The following CHMP4C variants were observed in gnomAD, a reference collection of about 807,000 sequenced individuals.
The protein encoded by CHMP4C is charged multivesicular body protein 4C, also known as SNF7 homolog associated with Alix 3.
A neutral mutation model predicts 29.0 loss-of-function variants in CHMP4C; 28 were observed. That is an observed-to-expected ratio of 0.97 (90% confidence interval 0.72 to 1.32). The LOEUF (loss-of-function observed/expected upper bound fraction) is 1.32, where lower values mean the gene tolerates loss of function less well. Among genes scored for constraint, CHMP4C ranks in the 40% most tolerant of loss-of-function variants. The pLI is 0.00. For missense variants in CHMP4C, 291 were observed against 281.0 expected (o/e 1.04, Z -0.25); for synonymous variants, 106 against 102.4 (o/e 1.04, Z -0.21).
intron 1 of CHMP4C, among the ~76,000 whole-genome samples, chr8:81,748,451 C>T (rs1020141262): frequency 3.3e-5 from 5 of 152,104 alleles, no homozygotes; most frequent in African/African-American, 9.7e-5. Flanking sequence ...TTAGAGATTG[C>T]AGTAAAGACA....
chr8:81,746,648 G>A (rs186864363), intron 1 of CHMP4C, among the ~76,000 whole-genome samples: 328 of 152,312 alleles, frequency 2.2e-3, no homozygotes, highest in Admixed American at 4.8e-3. Context: ...GACTCTGGTT[G>A]GGCCAACATG....
rs1363412633 is a variant in CHMP4C at position 81,732,660 on chromosome 8, G to A, written c.34G>A (p.Gly12Ser). ...SKLGKFFKGG[G>S]SSKSRAAPSP... ...GTTGGGCAAGTTCTTTAAAGGGGGC[G>A]GCTCTTCTAAGAGCCGAGCCGCTCC... The change falls in exon 1 of 5, where the codon GGC (glycine) becomes AGC (serine). Residue 12 changes from glycine to serine, a missense_variant. Coordinates refer to ENST00000297265, the MANE Select transcript of CHMP4C (RefSeq NM_152284.4). 2.6e-6 allele frequency: 4 copies of A among 1,564,134 alleles called. No homozygotes were observed. Among genetic ancestry groups the A allele is most frequent in the African/African-American group, 1.4e-5 (1 of 73,904 alleles).
In CHMP4C at chr8:81,758,145, G is replaced by A. The variant is rs1324290639; in HGVS notation, c.487G>A (p.Glu163Lys). ...VGFGDDFDED[E>K]LMAELEELEQ... ...TCTTCCTTTCTCCTGTGTTCAGGATGAGTTGATGGCAGAACTTGAAGAATT... is the reference window on the plus strand; with the variant it reads ...TCTTCCTTTCTCCTGTGTTCAGGATAAGTTGATGGCAGAACTTGAAGAATT... Residue 163 changes from glutamate (E) to lysine (K), a missense_variant, in exon 4 of 5, where the codon GAG becomes AAG. Coordinates refer to ENST00000297265, the MANE Select transcript of CHMP4C (RefSeq NM_152284.4). 2 of 1,613,804 alleles carry A rather than the reference G, an allele frequency of 1.2e-6. No individual in the cohort carries two copies. The highest frequency in any genetic ancestry group is 8.5e-7 in the Non-Finnish European group (1 of 1,179,816).
At chr8:81,744,216 G>T (rs1318874959) in intron 1 of CHMP4C, among the ~76,000 whole-genome samples, 1 of 152,158 alleles carries the variant, frequency 6.6e-6, no homozygotes, top group Non-Finnish European at 1.5e-5. Flanking sequence ...TGGCAAGCAG[G>T]AGTGCAAATC....
intron 1 of CHMP4C, among the ~76,000 whole-genome samples, chr8:81,737,870 A>G (rs1808714169): frequency 6.6e-6 from 1 of 152,200 alleles, no homozygotes; most frequent in South Asian, 2.1e-4. Context: ...GTTTTTGGCC[A>G]AATTTGGTCT....
rs760131326 is a variant in CHMP4C, at chr8:81,758,180, G to A, written c.522G>A (p.Glu174=). The A allele has an allele frequency of 1.2e-6, 2 of 1,613,866 alleles. No individual in the cohort carries two copies. Among genetic ancestry groups the A allele is most frequent in the South Asian group, 2.2e-5 (2 of 91,066 alleles). ...LMAELEELEQ[E]ELNKKMTNIR... Reference sequence around the variant, plus strand: ...CAGAACTTGAAGAATTGGAACAGGAGGAATTAAATAAGAAGATGACAAATA... The same window carrying A: ...CAGAACTTGAAGAATTGGAACAGGAAGAATTAAATAAGAAGATGACAAATA... The change falls in exon 4 of 5, where the codon GAG becomes GAA. Residue 174 remains glutamate, a synonymous_variant. Coordinates refer to ENST00000297265, the MANE Select transcript of CHMP4C (RefSeq NM_152284.4).
At chr8:81,735,402 A>C (rs62514260) in intron 1 of CHMP4C, among the ~76,000 whole-genome samples, 1,673 of 152,220 alleles carry the variant, frequency 0.011, 13 homozygotes, top group Middle Eastern at 0.017. Context: ...TAAATAAACC[A>C]GATAACTTCA....
intron 1 of CHMP4C, among the ~76,000 whole-genome samples, chr8:81,749,397 T>C (rs1269577731): frequency 6.6e-6 from 1 of 152,168 alleles, no homozygotes; most frequent in Non-Finnish European, 1.5e-5. Flanking sequence ...TAAATGTTAG[T>C]TTTTGTTATG....
Position 81,732,594 on chromosome 8 carries a change from C to T in CHMP4C, c.-33C>T. On this transcript the variant is annotated 5_prime_UTR_variant, in exon 1 of 5. Coordinates refer to ENST00000297265, the MANE Select transcript of CHMP4C (RefSeq NM_152284.4). ...GGCCCCGGGGAGCTCCCGAGAGGCC[C>T]CCGGGATCGCTGGCCCTCCGAACTC... The T allele has an allele frequency of 2.0e-6, 3 of 1,506,592 alleles. No individual in the cohort carries two copies. Among genetic ancestry groups the T allele is most frequent in the Non-Finnish European group, 2.7e-6 (3 of 1,123,420 alleles). The allele number at this position is 1,506,592 out of a possible 1,614,324, so 93.3% of individuals were successfully genotyped here. A position where few individuals can be genotyped will look rare whatever the true frequency, so the allele number is the denominator to read the frequency against.
chr8:81,756,146 T>G (rs554217313), intron 3 of CHMP4C, among the ~76,000 whole-genome samples: 37 of 152,184 alleles, frequency 2.4e-4, no homozygotes, highest in Non-Finnish European at 4.0e-4. Flanking sequence ...ATTTAGCAAG[T>G]AAGACCTGGT....
At chr8:81,749,370 A>G (rs985086745) in intron 1 of CHMP4C, among the ~76,000 whole-genome samples, 8 of 152,230 alleles carry the variant, frequency 5.3e-5, no homozygotes, top group African/African-American at 1.7e-4. Context: ...CCAATTGAAC[A>G]TATGGCAAAT....
At position 81,758,134 on chromosome 8, in the gene CHMP4C, G is replaced by C. The variant is rs1585949253; in HGVS notation, c.484-8G>C. ...AACTCCATAATTCTTCCTTTCTCCT[G>C]TGTTCAGGATGAGTTGATGGCAGAA... On this transcript the variant is annotated splice_polypyrimidine_tract_variant and splice_region_variant and intron_variant, in intron 3 of 4. Coordinates refer to ENST00000297265, the MANE Select transcript of CHMP4C (RefSeq NM_152284.4). The C allele has an allele frequency of 6.2e-7, 1 of 1,613,224 alleles. No homozygotes were observed. Among genetic ancestry groups the C allele is most frequent in the Non-Finnish European group, 8.5e-7 (1 of 1,179,512 alleles).
intron 2 of CHMP4C, among the ~76,000 whole-genome samples, chr8:81,753,688 G>A (rs1335778406): frequency 2.0e-5 from 3 of 152,096 alleles, no homozygotes; most frequent in Non-Finnish European, 4.4e-5. Flanking sequence ...GCTAACCAAT[G>A]TCTGAGAACC....
intron 1 of CHMP4C, among the ~76,000 whole-genome samples, chr8:81,736,034 A>G (rs1339781719): frequency 6.6e-6 from 1 of 151,738 alleles, no homozygotes; most frequent in East Asian, 1.9e-4. Context: ...TGCAGTGAGC[A>G]GAGATCGCGC....
intron 1 of CHMP4C, among the ~76,000 whole-genome samples, chr8:81,739,667 G>C (rs991330236): frequency 4.6e-5 from 7 of 152,188 alleles, no homozygotes; most frequent in Admixed American, 3.3e-4. Context: ...TTAAGTTGTT[G>C]TTTTAAACTT....
Position 81,755,420 on chromosome 8 carries a change from A to C in CHMP4C, c.419A>C (p.Asp140Ala), listed in dbSNP as rs762154389. Residue 140 changes from aspartate to alanine, a missense_variant, in exon 3 of 5, where the codon GAT (aspartate) becomes GCT (alanine). Transcript: ENST00000297265. ...ATGCAAGAGATCACAGAGCAACAGG[A>C]TATCGCCCAAGAAATCTCAGAAGCA... ...DLMQEITEQQ[D>A]IAQEISEAFS... is the part of the protein sequence containing the mutation. 8 of 1,612,520 alleles carry C rather than the reference A, an allele frequency of 5.0e-6. No homozygotes were observed. The highest frequency in any genetic ancestry group is 6.8e-6 in the Non-Finnish European group (8 of 1,178,910).
chr8:81,732,591 G>T lies in CHMP4C; in HGVS notation c.-36G>T. The T allele has an allele frequency of 6.7e-7, 1 of 1,489,414 alleles. No homozygotes were observed. The highest frequency in any genetic ancestry group is 2.5e-5 in the East Asian group (1 of 40,308). The allele number at this position is 1,489,414 out of a possible 1,614,324, so 92.3% of individuals were successfully genotyped here. A position where few individuals can be genotyped will look rare whatever the true frequency, so the allele number is the denominator to read the frequency against. ...CGCGGCCCCGGGGAGCTCCCGAGAG[G>T]CCCCCGGGATCGCTGGCCCTCCGAA... On this transcript the variant is annotated 5_prime_UTR_variant, in exon 1 of 5. Transcript: ENST00000297265.
intron 1 of CHMP4C, among the ~76,000 whole-genome samples, chr8:81,740,407 T>C (rs1025597679): frequency 9.8e-5 from 15 of 152,344 alleles, no homozygotes; most frequent in Admixed American, 4.6e-4. Context: ...TTCTCGCTCC[T>C]ATGAGAATGT....
chr8:81,756,922 A>C (rs1218223929), intron 3 of CHMP4C, among the ~76,000 whole-genome samples: 1 of 152,134 alleles, frequency 6.6e-6, no homozygotes, highest in Admixed American at 6.6e-5. Flanking sequence ...GTACACAACT[A>C]TATTGACTGT....
Sources: gnomAD v4.1 joint callset for allele counts (sites outside exome capture counted in the v4.1 genomes callset) on GRCh38, gnomAD v4.1.1 for gene constraint, MANE v1.5 for transcripts, NCBI Gene and HGNC (gene_info 2026-07-23, HGNC 2026-07-21) for gene names.